Variants in ATP2C2 observed in about 807,000 individuals in gnomAD.
The protein encoded by ATP2C2 is calcium-transporting ATPase type 2C member 2.
In ATP2C2, 171 loss-of-function variants were observed where a neutral mutation model predicts 110.8. That is an observed-to-expected ratio of 1.54 (90% CI 1.36 to 1.75). The LOEUF (loss-of-function observed/expected upper bound fraction) is 1.75, where lower values mean the gene tolerates loss of function less well. ATP2C2 is among the 40% of genes most tolerant of loss of function. The pLI, the probability that ATP2C2 is intolerant of heterozygous loss-of-function variation, is 0.00. For synonymous variants in ATP2C2, 804 were observed against 508.4 expected, an observed-to-expected ratio of 1.58 and a Z score of -7.82; for missense variants, 1,963 against 1,235.0, an observed-to-expected ratio of 1.59 and a Z score of -8.84.
chr16:84,397,055 C>T (rs1905028322), intron 1 of ATP2C2, among the ~76,000 whole-genome samples: 1 of 151,840 alleles, frequency 6.6e-6, no homozygotes, highest in Non-Finnish European at 1.5e-5. Flanking sequence ...TCCTTTTTCC[C>T]AGTTTCCAGT....
chr16:84,370,866 T>C (rs1909914734), intron 1 of ATP2C2, among the ~76,000 whole-genome samples: 1 of 152,116 alleles, frequency 6.6e-6, no homozygotes, highest in Admixed American at 6.5e-5. Context: ...TACTGAGAAC[T>C]TGCTGTGTCT....
chr16:84,445,957 G>T (rs1909709472), intron 15 of ATP2C2, among the ~76,000 whole-genome samples: 1 of 152,360 alleles, frequency 6.6e-6, no homozygotes, highest in South Asian at 2.1e-4. Context: ...TGGACGGGGG[G>T]CTGGCAAGGA....
intron 4 of ATP2C2, among the ~76,000 whole-genome samples, chr16:84,408,744 G>C (rs1906009249): frequency 6.6e-6 from 1 of 152,060 alleles, no homozygotes; most frequent in Admixed American, 6.6e-5. Flanking sequence ...GTGTTGCAGG[G>C]AATTCCTTTC....
chr16:84,418,157 C>G (rs1026518094), intron 7 of ATP2C2, among the ~76,000 whole-genome samples: 2 of 152,158 alleles, frequency 1.3e-5, no homozygotes, highest in African/African-American at 2.4e-5. Context: ...GATGGGACTC[C>G]AAGTGACGCT....
At chr16:84,431,271 G>C (rs1597823061) in intron 11 of ATP2C2, among the ~76,000 whole-genome samples, 1 of 152,036 alleles carries the variant, frequency 6.6e-6, no homozygotes, top group Admixed American at 6.6e-5. Context: ...CTCTGAGGTG[G>C]GCAGATCACT....
intron 26 of ATP2C2, 33 bp downstream of exon 26, chr16:84,462,162 T>G: frequency 6.3e-7 from 1 of 1,597,346 alleles, no homozygotes; most frequent in East Asian, 2.2e-5. Context: ...ACAGGTGACC[T>G]CGACCAGGGC....
chr16:84,387,349 C>T (rs372401398), intron 1 of ATP2C2, among the ~76,000 whole-genome samples: 19 of 152,114 alleles, frequency 1.2e-4, no homozygotes, highest in African/African-American at 3.6e-4. Flanking sequence ...TGGTGAAACC[C>T]GTCTCTACAA....
At chr16:84,381,501 T>C (rs982565419) in intron 1 of ATP2C2, among the ~76,000 whole-genome samples, 3 of 151,968 alleles carry the variant, frequency 2.0e-5, no homozygotes, top group South Asian at 2.1e-4. Flanking sequence ...TGCTTGAACC[T>C]GGGAAGCAGA....
At chr16:84,422,012 G>C (rs1359877363) in intron 7 of ATP2C2, among the ~76,000 whole-genome samples, 1 of 152,180 alleles carries the variant, frequency 6.6e-6, no homozygotes, top group Non-Finnish European at 1.5e-5. Context: ...CGGTTATTGT[G>C]TGGGATTGTG....
chr16:84,408,413 C>G lies in ATP2C2; in HGVS notation c.336C>G (p.Asn112Lys). 1.2e-6 allele frequency: 2 copies of G among 1,613,682 alleles called. No individual in the cohort carries two copies. The highest frequency in any genetic ancestry group is 1.7e-6 in the Non-Finnish European group (2 of 1,179,828). Residue 112 changes from asparagine to lysine, a missense_variant, in exon 4 of 27, where the codon AAC (asparagine) becomes AAG (lysine). Physicochemically the swap from Asn to Lys is moderately conservative, Grantham distance 94 (BLOSUM62 0). Transcript: ENST00000262429. ...VWKKYLDQFKNPLILLLLGSA... is the reference protein window; with the variant it reads ...VWKKYLDQFKKPLILLLLGSA... ...TGTTATTTCCTCTTCAGTTTAAGAACCCCCTGATCCTGCTGCTGCTGGGCT... is the reference window on the plus strand; with the variant it reads ...TGTTATTTCCTCTTCAGTTTAAGAAGCCCCTGATCCTGCTGCTGCTGGGCT...
At chr16:84,440,327 TTTTTATCCTGATA>T (rs1909128575) in intron 13 of ATP2C2, among the ~76,000 whole-genome samples, 1 of 152,220 alleles carries the variant, frequency 6.6e-6, no homozygotes, top group Non-Finnish European at 1.5e-5. Flanking sequence ...ATGTGCAATT[TTTTTATCCTGATA>T]TTTTTTCTAC....
chr16:84,406,083 A>C (rs1293973670), intron 3 of ATP2C2, among the ~76,000 whole-genome samples: 1 of 152,236 alleles, frequency 6.6e-6, no homozygotes, highest in Non-Finnish European at 1.5e-5. Context: ...ACCTGAGCCC[A>C]AAGTCACATA....
Position 84,425,126 on chromosome 16 carries a change from C to G in ATP2C2, c.920-609C>G, listed in dbSNP as rs553024459. On this transcript the variant is annotated intron_variant, in intron 10 of 26. Transcript: ENST00000262429. The stretch of plus-strand genomic sequence containing the variant: ...CCGCTACCATCCATCAGAAAACATC[C>G]CTGGCCCCCTGGCCCCTGCAAAGCA... Among the ~76,000 whole-genome samples, 5 of 152,280 alleles carry G rather than the reference C, an allele frequency of 3.3e-5. No homozygotes were observed. In the East Asian group the frequency reaches 7.7e-4, roughly 23 times the overall value.
intron 19 of ATP2C2, 36 bp from the exon 20 acceptor site, chr16:84,453,285 A>T (rs1253534121): frequency 6.2e-7 from 1 of 1,613,988 alleles, no homozygotes; most frequent in Non-Finnish European, 8.5e-7. Flanking sequence ...ACAGCTTTGA[A>T]ATCTGATTCT....
Position 84,459,291 on chromosome 16 carries a change from C to T in ATP2C2, c.2238C>T (p.Leu746=), listed in dbSNP as rs768082918. Reference sequence around the variant, plus strand: ...GCAGGAGCATCTCCGCCCTGAGTCTCATCACTCTGTCCACCGTGTTCAACC... The same window carrying T: ...GCAGGAGCATCTCCGCCCTGAGTCTTATCACTCTGTCCACCGTGTTCAACC... ...QLSTSISALS[L]ITLSTVFNLP... is the part of the protein sequence containing the mutation. Residue 746 remains leucine, a synonymous_variant, in exon 23 of 27, where the codon CTC becomes CTT. Coordinates refer to ENST00000262429, the MANE Select transcript of ATP2C2 (RefSeq NM_014861.4). 9 of 1,614,216 alleles carry T rather than the reference C, an allele frequency of 5.6e-6. 1 individual carries two copies. In the South Asian group the frequency reaches 6.6e-5, roughly 12 times the overall value.
chr16:84,463,512 G>T lies in ATP2C2; in HGVS notation c.2723-102G>T, dbSNP rs74384673. ...GGGGAATGAAAAGGGCTGGTCCTCC[G>T]CACCTCTCACTTTATCAGGAGGACT... On this transcript the variant is annotated intron_variant, in intron 26 of 26. Coordinates refer to ENST00000262429, the MANE Select transcript of ATP2C2 (RefSeq NM_014861.4). The T allele has an allele frequency of 1.1e-5, 11 of 968,712 alleles. No individual in the cohort carries two copies. In the African/African-American group the frequency reaches 1.6e-4, roughly 14 times the overall value. The allele number at this position is 968,712 out of a possible 1,614,324, so 60.0% of individuals were successfully genotyped here. A position where few individuals can be genotyped will look rare whatever the true frequency, so the allele number is the denominator to read the frequency against.
intron 2 of ATP2C2, among the ~76,000 whole-genome samples, chr16:84,400,370 A>T (rs9927653): frequency 6.8e-6 from 1 of 147,340 alleles, no homozygotes; most frequent in Non-Finnish European, 1.5e-5. Context: ...TCTGTCACCC[A>T]AGCTGGAGTG....
intron 16 of ATP2C2, among the ~76,000 whole-genome samples, chr16:84,447,514 G>C (rs1407944968): frequency 6.6e-6 from 1 of 151,588 alleles, no homozygotes; most frequent in Non-Finnish European, 1.5e-5. Flanking sequence ...ACAACATCTG[G>C]ATGGTATTTT....
intron 1 of ATP2C2, among the ~76,000 whole-genome samples, chr16:84,396,535 G>A (rs1436508627): frequency 1.5e-5 from 2 of 135,284 alleles, no homozygotes. Flanking sequence ...GGGTGACAGA[G>A]TGAGGCTCTA....
Sources: gnomAD v4.1 joint callset for allele counts (sites outside exome capture counted in the v4.1 genomes callset) on GRCh38, gnomAD v4.1.1 for gene constraint, MANE v1.5 for transcripts, NCBI Gene and HGNC (gene_info 2026-07-23, HGNC 2026-07-21) for gene names.